The following SLC35F3 variants were observed in gnomAD, a reference collection of about 807,000 sequenced individuals.
The protein encoded by SLC35F3 is putative thiamine transporter SLC35F3.
A neutral mutation model predicts 49.9 loss-of-function variants in SLC35F3; 25 were observed. That is an observed-to-expected ratio of 0.50 (90% confidence interval 0.37 to 0.70). The LOEUF (loss-of-function observed/expected upper bound fraction) is 0.70. Ranked by LOEUF, SLC35F3 falls within the 30% of genes least tolerant of loss-of-function variation. The probability of loss-of-function intolerance (pLI) is 0.00; values close to 1 mark genes in which losing one functional copy is unlikely to be tolerated. For synonymous variants in SLC35F3, 275 were observed against 265.4 expected (o/e 1.04, Z -0.35); for missense variants, 525 against 639.8 (o/e 0.82, Z 1.94).
intron 2 of SLC35F3, among the ~76,000 whole-genome samples, chr1:233,972,257 T>C (rs1231443998): frequency 6.6e-6 from 1 of 152,240 alleles, no homozygotes; most frequent in Non-Finnish European, 1.5e-5. Flanking sequence ...AGGTGAATTG[T>C]GACGTCTAGG....
intron 2 of SLC35F3, among the ~76,000 whole-genome samples, chr1:233,907,385 G>A (rs10797502): frequency 0.64 from 97,294 of 152,106 alleles, 31,493 homozygotes; most frequent in Non-Finnish European, 0.68. Flanking sequence ...GGTACAACAT[G>A]TTTTGTAATT....
chr1:234,139,901 T>C (rs1665866545), intron 2 of SLC35F3, among the ~76,000 whole-genome samples: 1 of 148,426 alleles, frequency 6.7e-6, no homozygotes, highest in Non-Finnish European at 1.5e-5. Flanking sequence ...TGAGCCGAGA[T>C]GGTGCCCCTG....
intron 3 of SLC35F3, among the ~76,000 whole-genome samples, chr1:234,233,424 C>A (rs1470107432): frequency 6.6e-6 from 1 of 152,184 alleles, no homozygotes; most frequent in African/African-American, 2.4e-5. Context: ...ACCATACAGG[C>A]TGAAAGAGGA....
At chr1:234,088,927 AATTTTTGT>A (rs1198389931) in intron 2 of SLC35F3, among the ~76,000 whole-genome samples, 1 of 151,652 alleles carries the variant, frequency 6.6e-6, no homozygotes, top group Non-Finnish European at 1.5e-5. Flanking sequence ...ACACCCAGCT[AATTTTTGT>A]ATTTTTAGTA....
At chr1:233,913,224 A>G (rs1282440384) in intron 2 of SLC35F3, among the ~76,000 whole-genome samples, 4 of 152,244 alleles carry the variant, frequency 2.6e-5, no homozygotes, top group Admixed American at 2.6e-4. Flanking sequence ...AGCTATTGCT[A>G]GACGGTAATT....
intron 3 of SLC35F3, among the ~76,000 whole-genome samples, chr1:234,261,248 A>G (rs533966333): frequency 2.8e-4 from 43 of 152,302 alleles, no homozygotes; most frequent in Admixed American, 1.2e-3. Context: ...AAGAAAGTAA[A>G]GGAATAAAAG....
chr1:234,098,628 GTGGTGGTGGTGGCAGTTCAGA>G (rs1665165545), intron 2 of SLC35F3, among the ~76,000 whole-genome samples: 1 of 151,044 alleles, frequency 6.6e-6, no homozygotes. Flanking sequence ...GACTGTATTG[GTGGTGGTGGTGGCAGTTCAGA>G]TGGTGGTGGT....
rs1221223969 is a variant in SLC35F3, at chr1:234,166,532, C to T, written c.284-64885C>T. On this transcript the variant is annotated intron_variant, in intron 2 of 7. Coordinates refer to ENST00000366618, the MANE Select transcript of SLC35F3 (RefSeq NM_173508.4). The stretch of plus-strand genomic sequence containing the variant: ...AGCTGTCCTGTCTGGGCTGTGTGTG[C>T]CTGTCTGGAAGCCAAGCTGGGGCTT... Among the ~76,000 whole-genome samples, 3 of 152,156 alleles carry T rather than the reference C, an allele frequency of 2.0e-5. No individual in the cohort carries two copies. In the East Asian group the frequency reaches 5.8e-4, roughly 29 times the overall value.
chr1:234,182,281 T>A (rs866978161), intron 2 of SLC35F3, among the ~76,000 whole-genome samples: 4 of 152,220 alleles, frequency 2.6e-5, no homozygotes, highest in South Asian at 2.1e-4. Flanking sequence ...CCTGACTCTT[T>A]GAGAGCTAGA....
intron 2 of SLC35F3, among the ~76,000 whole-genome samples, chr1:234,016,351 G>A (rs1663802222): frequency 6.6e-6 from 1 of 152,194 alleles, no homozygotes; most frequent in Non-Finnish European, 1.5e-5. Context: ...CACTTTCATT[G>A]TGTTATGGTT....
At chr1:234,207,936 G>A (rs1666997874) in intron 2 of SLC35F3, among the ~76,000 whole-genome samples, 1 of 152,180 alleles carries the variant, frequency 6.6e-6, no homozygotes, top group Non-Finnish European at 1.5e-5. Flanking sequence ...TTGAGCCTAG[G>A]AGTTCAAGGC....
At chr1:234,289,037 G>T (rs10157528) in intron 3 of SLC35F3, among the ~76,000 whole-genome samples, 169 of 152,168 alleles carry the variant, frequency 1.1e-3, no homozygotes, top group African/African-American at 3.9e-3. Flanking sequence ...GAAAAGGGGG[G>T]AAGAGAAAGC....
Position 234,121,553 on chromosome 1 carries a change from CT to C in SLC35F3, c.284-109855del, listed in dbSNP as rs200950757. Reference sequence around the variant, plus strand: ...TGAAAAGCATTAATAATTAAAGAAGCTTTTTTTTTCTTTTTTTCTTTTTATT... The same window carrying C: ...TGAAAAGCATTAATAATTAAAGAAGCTTTTTTTTCTTTTTTTCTTTTTATT... On this transcript the variant is annotated intron_variant, in intron 2 of 7. Coordinates refer to ENST00000366618, the MANE Select transcript of SLC35F3 (RefSeq NM_173508.4). Among the ~76,000 whole-genome samples the C allele has an allele frequency of 4.5e-3, 683 of 151,074 alleles. 7 individuals carry two copies. Among genetic ancestry groups the C allele is most frequent in the African/African-American group, 0.015 (631 of 41,172 alleles).
chr1:234,251,818 CATA>C (rs1667742115), intron 3 of SLC35F3, among the ~76,000 whole-genome samples: 1 of 151,902 alleles, frequency 6.6e-6, no homozygotes, highest in Admixed American at 6.5e-5. Context: ...AACTTTAGTA[CATA>C]ATAATCTTGT....
chr1:234,260,887 G>A (rs994623235), intron 3 of SLC35F3, among the ~76,000 whole-genome samples: 2 of 152,130 alleles, frequency 1.3e-5, no homozygotes, highest in Admixed American at 6.5e-5. Flanking sequence ...CGCCTCCCTC[G>A]ATTGTAACCT....
chr1:234,079,624 A>G (rs1664845404), intron 2 of SLC35F3, among the ~76,000 whole-genome samples: 2 of 152,244 alleles, frequency 1.3e-5, no homozygotes, highest in African/African-American at 2.4e-5. Context: ...AAGAAGATAC[A>G]CAAATGATCA....
chr1:234,121,413 C>T (rs900557474), intron 2 of SLC35F3, among the ~76,000 whole-genome samples: 1 of 152,068 alleles, frequency 6.6e-6, no homozygotes, highest in African/African-American at 2.4e-5. Context: ...GCTGGGATTA[C>T]AGGCATGAGC....
intron 2 of SLC35F3, among the ~76,000 whole-genome samples, chr1:234,191,999 T>G (rs1370970948): frequency 6.6e-6 from 1 of 151,476 alleles, no homozygotes; most frequent in Non-Finnish European, 1.5e-5. Context: ...CAGGACCAGA[T>G]GGGTTCACAG....
At chr1:234,054,154 A>G (rs1217223907) in intron 2 of SLC35F3, among the ~76,000 whole-genome samples, 20 of 152,062 alleles carry the variant, frequency 1.3e-4, no homozygotes, top group Admixed American at 1.1e-3. Context: ...TCTTTGTGGC[A>G]TTCTCTGTAT....
Sources: allele counts gnomAD v4.1 joint callset (sites outside exome capture counted in the v4.1 genomes callset), GRCh38; gene constraint gnomAD v4.1.1; transcripts MANE v1.5; gene names NCBI Gene and HGNC (gene_info 2026-07-23, HGNC 2026-07-21).